The following CLOCK variants were observed in gnomAD, a reference collection of about 807,000 sequenced individuals.
The protein encoded by CLOCK is clock circadian regulator.
Under a neutral mutation model 118.4 loss-of-function variants are expected in CLOCK, and 43 were observed. The ratio of observed to expected loss-of-function variants is 0.36; its 90% CI spans 0.28 to 0.47. CLOCK has a LOEUF of 0.47. Ranked by LOEUF, CLOCK falls within the 20% of genes least tolerant of loss-of-function variation. CLOCK has a pLI of 1.00. For synonymous variants in CLOCK, 326 were observed against 339.2 expected, an observed-to-expected ratio of 0.96 and a Z score of 0.43; for missense variants, 846 against 999.9, an observed-to-expected ratio of 0.85 and a Z score of 2.08.
intron 2 of CLOCK, among the ~76,000 whole-genome samples, chr4:55,496,817 T>C (rs570247098): frequency 6.2e-4 from 95 of 152,262 alleles, no homozygotes; most frequent in South Asian, 1.2e-3. Context: ...CATTCCTAGA[T>C]AGTAGAAAAT....
chr4:55,454,804 G>A (rs775711261), intron 13 of CLOCK, among the ~76,000 whole-genome samples: 5 of 151,888 alleles, frequency 3.3e-5, no homozygotes, highest in Admixed American at 6.6e-5. Context: ...AACATTCGGT[G>A]GAACAAACCT....
chr4:55,469,997 G>A (rs1328373742), intron 8 of CLOCK, among the ~76,000 whole-genome samples: 1 of 151,928 alleles, frequency 6.6e-6, no homozygotes, highest in South Asian at 2.1e-4. Context: ...TACTACAAGA[G>A]TAAAAAAGTT....
chr4:55,448,161 T>C lies in CLOCK; in HGVS notation c.1539+618A>G, dbSNP rs542174237. ...TCAGCACAGGCAATATAGCATGGTA[T>C]TGTAGGCATCTGTCATTCCCTCTAG... is the stretch of plus-strand genomic sequence containing the variant. On this transcript the variant is annotated intron_variant, in intron 18 of 22. Transcript: ENST00000513440. Among the ~76,000 whole-genome samples, 3 of 152,356 alleles carry C rather than the reference T, an allele frequency of 2.0e-5. No homozygotes were observed. In the East Asian group the frequency reaches 5.8e-4, roughly 29 times the overall value.
intron 1 of CLOCK, among the ~76,000 whole-genome samples, chr4:55,524,163 C>A (rs1214605970): frequency 6.6e-6 from 1 of 151,706 alleles, no homozygotes; most frequent in Non-Finnish European, 1.5e-5. Context: ...CTGAGGCGGG[C>A]GGATCACTTG....
intron 8 of CLOCK, among the ~76,000 whole-genome samples, chr4:55,464,894 C>T (rs1220892959): frequency 6.6e-6 from 1 of 152,158 alleles, no homozygotes; most frequent in Non-Finnish European, 1.5e-5. Context: ...CCCATCATTT[C>T]TTCTGTCTTT....
intron 6 of CLOCK, 125 bp from the exon 7 acceptor site, chr4:55,476,179 G>A (rs563407822): frequency 1.4e-5 from 10 of 689,668 alleles, no homozygotes; most frequent in South Asian, 1.4e-4. Flanking sequence ...ACATTTATTG[G>A]GTAGATATCA....
chr4:55,461,006 C>T (rs1725303170), intron 9 of CLOCK, among the ~76,000 whole-genome samples: 1 of 151,780 alleles, frequency 6.6e-6, no homozygotes, highest in African/African-American at 2.4e-5. Context: ...TCACTGCAAC[C>T]TCTGCCTCCT....
chr4:55,514,619 G>C (rs1045374512), intron 1 of CLOCK, among the ~76,000 whole-genome samples: 2 of 151,592 alleles, frequency 1.3e-5, no homozygotes, highest in African/African-American at 4.8e-5. Flanking sequence ...TCATGAATGG[G>C]TGTTGGGTTC....
chr4:55,499,496 G>A (rs1355315938), intron 2 of CLOCK, among the ~76,000 whole-genome samples: 1 of 152,182 alleles, frequency 6.6e-6, no homozygotes, highest in East Asian at 1.9e-4. Context: ...CTCATAAGGA[G>A]CATACAACCT....
intron 8 of CLOCK, among the ~76,000 whole-genome samples, chr4:55,467,318 T>C (rs1292837417): frequency 6.6e-6 from 1 of 152,144 alleles, no homozygotes; most frequent in Admixed American, 6.5e-5. Flanking sequence ...AATCACTGAG[T>C]GACGCTCCAA....
At chr4:55,499,719 A>G (rs993827324) in intron 2 of CLOCK, among the ~76,000 whole-genome samples, 2 of 152,190 alleles carry the variant, frequency 1.3e-5, no homozygotes, top group Admixed American at 1.3e-4. Context: ...TATCCTCCGC[A>G]TGCATCTCTC....
chr4:55,437,532 A>G (rs1722981848), intron 22 of CLOCK, among the ~76,000 whole-genome samples: 2 of 152,218 alleles, frequency 1.3e-5, no homozygotes, highest in Non-Finnish European at 2.9e-5. Flanking sequence ...CTGTGTCTAT[A>G]TTTTGGCTAA....
chr4:55,513,982 C>G (rs755172167), intron 1 of CLOCK, among the ~76,000 whole-genome samples: 3 of 152,030 alleles, frequency 2.0e-5, no homozygotes, highest in Non-Finnish European at 4.4e-5. Flanking sequence ...TATCCTGCTA[C>G]CTTGTGCTTA....
In CLOCK at chr4:55,429,232, T is replaced by G. The variant is rs1722365627; in HGVS notation, c.*6183A>C. ...ATTTAAAAGCTTTTATTTGAAAACG[T>G]ATCTTCAGTTTAACCCTCAGAGTTA... On this transcript the variant is annotated 3_prime_UTR_variant, in exon 23 of 23. Coordinates refer to ENST00000513440, the MANE Select transcript of CLOCK (RefSeq NM_004898.4). 6.6e-6 allele frequency: 1 copy of G among 152,222 alleles called. No homozygotes were observed. The highest frequency in any genetic ancestry group is 2.4e-5 in the African/African-American group (1 of 41,460). 9.4% of individuals were successfully genotyped at this position (152,222 alleles called of 1,614,324 possible).
At chr4:55,488,301 C>T (rs975160104) in intron 3 of CLOCK, among the ~76,000 whole-genome samples, 2 of 152,210 alleles carry the variant, frequency 1.3e-5, no homozygotes, top group Non-Finnish European at 2.9e-5. Context: ...AATCTGTATA[C>T]ACTTCCTAGA....
chr4:55,475,887 A>G (rs1726477254), intron 7 of CLOCK, 76 bp downstream of exon 7: 2 of 951,636 alleles, frequency 2.1e-6, no homozygotes, highest in Admixed American at 1.9e-5. Context: ...TCGCCAAGGT[A>G]CACCTGGATA....
chr4:55,467,933 A>G (rs531477564), intron 8 of CLOCK, among the ~76,000 whole-genome samples: 1 of 152,324 alleles, frequency 6.6e-6, no homozygotes, highest in East Asian at 1.9e-4. Flanking sequence ...CAAATTATGT[A>G]CTGCATGGCT....
At chr4:55,486,512 CTTCT>C (rs1016997097) in intron 3 of CLOCK, 3 of 152,214 alleles carry the variant, frequency 2.0e-5, no homozygotes, top group Non-Finnish European at 2.9e-5. Flanking sequence ...TTTTAGTTTA[CTTCT>C]TTATTTTTGT....
At chr4:55,454,286 A>G (rs546209814) in intron 13 of CLOCK, among the ~76,000 whole-genome samples, 1 of 152,262 alleles carries the variant, frequency 6.6e-6, no homozygotes, top group East Asian at 1.9e-4. Flanking sequence ...TGTGGATTTT[A>G]AGTTCTGAAG....
Sources: gnomAD v4.1 joint callset for allele counts (sites outside exome capture counted in the v4.1 genomes callset) on GRCh38, gnomAD v4.1.1 for gene constraint, MANE v1.5 for transcripts, NCBI Gene and HGNC (gene_info 2026-07-23, HGNC 2026-07-21) for gene names.